The following DCLRE1C variants were observed in gnomAD, a reference collection of about 807,000 sequenced individuals.
DCLRE1C encodes DNA cross-link repair 1C, also known as protein artemis.
Under a neutral mutation model 61.4 loss-of-function variants are expected in DCLRE1C, and 47 were observed. That is an observed-to-expected ratio of 0.77 (90% CI 0.61 to 0.98). The LOEUF is 0.98. Ranked by LOEUF, DCLRE1C falls within the 50% of genes least tolerant of loss-of-function variation. The pLI is 0.00. For missense variants in DCLRE1C, 858 were observed against 816.0 expected (o/e 1.05, Z -0.63); for synonymous variants, 337 against 287.6 (o/e 1.17, Z -1.74).
downstream of DCLRE1C, chr10:14,901,037 A>C (rs1833972868): frequency 6.7e-7 from 1 of 1,486,838 alleles, no homozygotes; most frequent in Non-Finnish European, 9.1e-7. Context: ...AGTGGAACTT[A>C]AACTAAATCT....
chr10:14,908,835 C>T lies in DCLRE1C; in HGVS notation c.1652G>A (p.Trp551Ter). The change falls in exon 14 of 14, where the codon TGG (tryptophan) becomes TAG (stop). Residue 551 changes from tryptophan (W) to a stop codon, truncating the protein, a stop_gained. Transcript: ENST00000378278. LOFTEE classifies it low-confidence loss of function (END_TRUNC). ...THITEQGSQG[W>*]DSQSDTVLLS... The stretch of plus-strand genomic sequence containing the variant: ...CAAAACAGTATCAGATTGGCTGTCC[C>T]AGCCTTGACTTCCTTGTTCTGTTAT... The T allele has an allele frequency of 6.2e-7, 1 of 1,614,192 alleles. No homozygotes were observed. Among genetic ancestry groups the T allele is most frequent in the Non-Finnish European group, 8.5e-7 (1 of 1,180,038 alleles).
intron 3 of DCLRE1C, among the ~76,000 whole-genome samples, chr10:14,940,377 C>T (rs1192221645): frequency 1.3e-5 from 2 of 151,672 alleles, no homozygotes; most frequent in African/African-American, 4.9e-5. Context: ...CAACCACCGC[C>T]TCCTGGGTTC....
At chr10:14,948,059 T>A (rs564323471) in intron 2 of DCLRE1C, among the ~76,000 whole-genome samples, 5 of 151,864 alleles carry the variant, frequency 3.3e-5, no homozygotes, top group African/African-American at 9.7e-5. Context: ...CAAAAGTCAA[T>A]AAGTAAATAC....
At chr10:14,912,393 G>C (rs537046836) in intron 13 of DCLRE1C, among the ~76,000 whole-genome samples, 3 of 151,988 alleles carry the variant, frequency 2.0e-5, no homozygotes, top group Admixed American at 2.0e-4. Flanking sequence ...ATTTTCTTAG[G>C]GCAGCCCAAG....
rs1279014555 is a variant in DCLRE1C at position 14,934,750 on chromosome 10, A to C, written c.490T>G (p.Leu164Val). The change falls in exon 7 of 14, where the codon TTG (leucine) becomes GTG (valine). Residue 164 changes from leucine to valine, a missense_variant. Around this residue, in one of 2 missense-constraint regions of DCLRE1C, gnomAD observed 843 missense variants for 783.5 expected, o/e 1.08. Transcript: ENST00000378278. ...GRVKDIQSVYLDTTFCDPRFY... is the reference protein window; with the variant it reads ...GRVKDIQSVYVDTTFCDPRFY... ...CTTGGATCACAGAACGTAGTATCCA[A>C]ATATACACTTTGGATGTCTTTGACT... The C allele has an allele frequency of 6.2e-7, 1 of 1,613,978 alleles. No individual in the cohort carries two copies. Among genetic ancestry groups the C allele is most frequent in the East Asian group, 2.2e-5 (1 of 44,894 alleles).
At chr10:14,901,083 G>A (rs200194501), downstream of DCLRE1C, 4 of 1,599,848 alleles carry the variant, frequency 2.5e-6, no homozygotes, top group Non-Finnish European at 2.6e-6. Context: ...CATGTAGAAG[G>A]GCTTGTTTAC....
At chr10:14,937,161 A>G (rs1343594583) in intron 4 of DCLRE1C, among the ~76,000 whole-genome samples, 1 of 152,012 alleles carries the variant, frequency 6.6e-6, no homozygotes, top group Non-Finnish European at 1.5e-5. Context: ...AGGAGAGAAT[A>G]GGGAGGGATT....
exon 14 of DCLRE1C, chr10:14,897,713 T>TA: frequency 2.5e-6 from 1 of 398,908 alleles, no homozygotes; most frequent in Non-Finnish European, 4.3e-6. Flanking sequence ...GAATAAAAAA[T>TA]ATACGTTAAA....
At chr10:14,922,764 T>G (rs1279641119) in intron 12 of DCLRE1C, among the ~76,000 whole-genome samples, 2 of 152,098 alleles carry the variant, frequency 1.3e-5, no homozygotes, top group South Asian at 4.1e-4. Context: ...CGGAGCTGGG[T>G]TGCAACCCAG....
intron 1 of DCLRE1C, among the ~76,000 whole-genome samples, chr10:14,952,108 G>T (rs1359633694): frequency 2.0e-5 from 3 of 152,150 alleles, no homozygotes; most frequent in Admixed American, 6.5e-5. Context: ...AACTTATGAT[G>T]ATTTCAAATT....
At chr10:14,949,124 T>C (rs753400916) in intron 1 of DCLRE1C, 37 bp from the exon 2 acceptor site, 1 of 1,399,996 alleles carries the variant, frequency 7.1e-7, no homozygotes, top group Non-Finnish European at 1.0e-6. Flanking sequence ...GAATATGTTT[T>C]TCCAGAGGAT....
chr10:14,930,071 C>T (rs1175043766), intron 9 of DCLRE1C, among the ~76,000 whole-genome samples: 2 of 151,956 alleles, frequency 1.3e-5, no homozygotes, highest in African/African-American at 2.4e-5. Context: ...GCAAGGGGCC[C>T]AATACTATGA....
chr10:14,926,882 T>A lies in DCLRE1C; in HGVS notation c.933A>T (p.Ser311=). The A allele has an allele frequency of 1.9e-6, 3 of 1,613,604 alleles. No homozygotes were observed. The highest frequency in any genetic ancestry group is 2.5e-6 in the Non-Finnish European group (3 of 1,179,590). ...AGTGAAAAGAAAAACAAGCTCTGTA[T>A]GAACTCTCTCCAGTCCTAAAGGGAA... ...TNVIVRTGES[S]YRACFSFHSS... is the part of the protein sequence containing the mutation. Residue 311 remains serine, a synonymous_variant, in exon 11 of 14, where the codon TCA becomes TCT. Coordinates refer to ENST00000378278, the MANE Select transcript of DCLRE1C (RefSeq NM_001033855.3).
At chr10:14,936,841 C>T (rs560924934) in intron 4 of DCLRE1C, among the ~76,000 whole-genome samples, 1 of 152,162 alleles carries the variant, frequency 6.6e-6, no homozygotes, top group African/African-American at 2.4e-5. Flanking sequence ...GATGGCCACA[C>T]AAAAATGTGT....
In DCLRE1C at chr10:14,926,824, G is replaced by A; in HGVS notation, c.972+19C>T. On this transcript the variant is annotated intron_variant, in intron 11 of 13. Coordinates refer to ENST00000378278, the MANE Select transcript of DCLRE1C (RefSeq NM_001033855.3). The stretch of plus-strand genomic sequence containing the variant: ...GAACACTGAGCGATAAGGGTTATGA[G>A]TATATGGGATCCTCTTACCTCACTG... 2 of 1,604,488 alleles carry A rather than the reference G, an allele frequency of 1.2e-6. No homozygotes were observed. Among genetic ancestry groups the A allele is most frequent in the Non-Finnish European group, 1.7e-6 (2 of 1,171,370 alleles).
chr10:14,941,450 A>T (rs921099857), intron 3 of DCLRE1C, among the ~76,000 whole-genome samples: 1 of 152,116 alleles, frequency 6.6e-6, no homozygotes, highest in African/African-American at 2.4e-5. Context: ...ATACCAGGCT[A>T]GTTTTTAAGG....
At chr10:14,909,526 A>G (rs1314592729) in intron 13 of DCLRE1C, among the ~76,000 whole-genome samples, 196 bp from the exon 14 acceptor site, 2 of 151,920 alleles carry the variant, frequency 1.3e-5, no homozygotes, top group East Asian at 1.9e-4. Context: ...CCAGAGTATC[A>G]GTGGAGAATA....
exon 14 of DCLRE1C, chr10:14,899,166 A>C (rs1833814522): frequency 1.4e-6 from 1 of 699,696 alleles, no homozygotes; most frequent in Admixed American, 2.0e-5. Context: ...TATAAAAACT[A>C]AATCATTAGC....
At chr10:14,930,226 C>T (rs371550571) in intron 9 of DCLRE1C, among the ~76,000 whole-genome samples, 3 of 151,328 alleles carry the variant, frequency 2.0e-5, no homozygotes, top group East Asian at 3.9e-4. Context: ...ATTCTCCCAC[C>T]TCAGCTTCGT....
Sources: gnomAD v4.1 joint callset for allele counts (sites outside exome capture counted in the v4.1 genomes callset) on GRCh38, gnomAD v4.1.1 for gene constraint, gnomAD v4.1.1 regional missense constraint, MANE v1.5 for transcripts, NCBI Gene and HGNC (gene_info 2026-07-23, HGNC 2026-07-21) for gene names.